The following CDK12 variants were observed in gnomAD, a reference collection of about 807,000 sequenced individuals.
The protein encoded by CDK12 is cyclin-dependent kinase 12.
Under a neutral mutation model 133.8 loss-of-function variants are expected in CDK12, and 17 were observed. That is an observed-to-expected ratio of 0.13 (90% CI 0.09 to 0.19). The LOEUF (loss-of-function observed/expected upper bound fraction) is 0.19. CDK12 is among the 10% of genes least tolerant of loss of function. The pLI is 1.00. For missense variants in CDK12, 1,508 were observed against 1,818.7 expected, an observed-to-expected ratio of 0.83 and a Z score of 3.11; for synonymous variants, 694 against 683.6, an observed-to-expected ratio of 1.02 and a Z score of -0.24.
downstream of CDK12, among the ~76,000 whole-genome samples, chr17:39,535,697 G>C (rs1044780354): frequency 6.6e-6 from 1 of 152,130 alleles, no homozygotes; most frequent in African/African-American, 2.4e-5. Flanking sequence ...CAATTTCTTA[G>C]GCACTGTTCT....
intron 3 of CDK12, among the ~76,000 whole-genome samples, chr17:39,559,767 CG>C (rs2056300841): frequency 1.3e-5 from 2 of 149,572 alleles, no homozygotes; most frequent in South Asian, 4.2e-4. Context: ...TGAGCCTGAG[CG>C]GCAGAGATTG....
intron 5 of CDK12, among the ~76,000 whole-genome samples, chr17:39,499,257 G>C (rs867888379): frequency 2.0e-4 from 29 of 142,046 alleles, no homozygotes; most frequent in Admixed American, 1.5e-4. Context: ...GCCCAGGCTG[G>C]AGTGCAGTGC....
chr17:39,478,515 A>G (rs766378270), intron 2 of CDK12, among the ~76,000 whole-genome samples: 5 of 152,116 alleles, frequency 3.3e-5, no homozygotes, highest in Admixed American at 1.3e-4. Context: ...TATTATCAGT[A>G]TTCTACATAT....
At chr17:39,522,301 G>C (rs1490056198) in intron 11 of CDK12, among the ~76,000 whole-genome samples, 1 of 151,930 alleles carries the variant, frequency 6.6e-6, no homozygotes, top group Admixed American at 6.6e-5. Context: ...TGGTGAGACT[G>C]GTCTTGAAGT....
At chr17:39,552,937 CAG>C (rs1348439946) in intron 2 of CDK12, among the ~76,000 whole-genome samples, 1 of 152,130 alleles carries the variant, frequency 6.6e-6, no homozygotes, top group Admixed American at 6.5e-5. Flanking sequence ...CCATGTTGGC[CAG>C]GCTGGTCTCA....
At chr17:39,539,609 G>A (rs184012320) in intron 1 of CDK12, among the ~76,000 whole-genome samples, 2 of 152,288 alleles carry the variant, frequency 1.3e-5, no homozygotes, top group East Asian at 1.9e-4. Flanking sequence ...GAAGAAGACT[G>A]GGGGAGGGTC....
Position 39,531,369 on chromosome 17 carries a change from A to G in CDK12, c.*53A>G. On this transcript the variant is annotated 3_prime_UTR_variant, in exon 14 of 14. Coordinates refer to ENST00000447079, the MANE Select transcript of CDK12 (RefSeq NM_016507.4). ...TCCTTTCCTATCCATCCTTCCATCCAGTTCTCTGAATCTTTAATGAAATCA... is the reference window on the plus strand; with the variant it reads ...TCCTTTCCTATCCATCCTTCCATCCGGTTCTCTGAATCTTTAATGAAATCA... The G allele has an allele frequency of 7.3e-7, 1 of 1,369,246 alleles. No homozygotes were observed. The highest frequency in any genetic ancestry group is 9.5e-7 in the Non-Finnish European group (1 of 1,054,638). 84.8% of individuals were successfully genotyped at this position (1,369,246 alleles called of 1,614,324 possible).
chr17:39,561,905 G>GT (rs1177758633), intron 3 of CDK12, among the ~76,000 whole-genome samples: 1 of 152,098 alleles, frequency 6.6e-6, no homozygotes, highest in Non-Finnish European at 1.5e-5. Context: ...TATAAACACT[G>GT]AGGCTAGACC....
downstream of CDK12, among the ~76,000 whole-genome samples, chr17:39,538,898 CAAAT>C (rs58157980): frequency 1.8e-3 from 266 of 143,994 alleles, 2 homozygotes; most frequent in African/African-American, 6.6e-3. Context: ...GACTCCATCT[CAAAT>C]AAATACATAC....
At chr17:39,514,295 G>A (rs1194485868) in intron 8 of CDK12, among the ~76,000 whole-genome samples, 1 of 152,122 alleles carries the variant, frequency 6.6e-6, no homozygotes, top group East Asian at 1.9e-4. Flanking sequence ...TCGTTTAAAG[G>A]TCCAAATTCT....
intron 2 of CDK12, among the ~76,000 whole-genome samples, chr17:39,488,861 C>T (rs1245576380): frequency 6.6e-6 from 1 of 151,930 alleles, no homozygotes; most frequent in African/African-American, 2.4e-5. Flanking sequence ...AATGATGCTC[C>T]CACCCCAGGA....
rs936589692 is a variant in CDK12, at chr17:39,521,265, C to CTGTT, written c.3095+1190_3095+1193dup. ...ACAGGTGTGAGCCACCGTGCCTGGC[C>CTGTT]TGTTTGTTTGTTTGTGTGTTTTGAG... is the stretch of plus-strand genomic sequence containing the variant. On this transcript the variant is annotated intron_variant, in intron 11 of 13. Coordinates refer to ENST00000447079, the MANE Select transcript of CDK12 (RefSeq NM_016507.4). Among the ~76,000 whole-genome samples the CTGTT allele has an allele frequency of 3.3e-5, 5 of 152,034 alleles. No homozygotes were observed. In the East Asian group the frequency reaches 5.9e-4, roughly 18 times the overall value.
intron 1 of CDK12, among the ~76,000 whole-genome samples, chr17:39,465,779 A>G (rs763939511): frequency 3.3e-5 from 5 of 152,148 alleles, no homozygotes; most frequent in African/African-American, 9.6e-5. Context: ...GCGTGAGCCA[A>G]TGCGCACAGC....
chr17:39,493,151 A>G (rs1190081836), intron 4 of CDK12, among the ~76,000 whole-genome samples: 1 of 136,942 alleles, frequency 7.3e-6, no homozygotes, highest in Non-Finnish European at 1.5e-5. Flanking sequence ...GCGCAACCAC[A>G]CTCGACTAAT....
At chr17:39,476,724 T>C (rs918457445) in intron 2 of CDK12, among the ~76,000 whole-genome samples, 1 of 113,076 alleles carries the variant, frequency 8.8e-6, no homozygotes, top group African/African-American at 3.5e-5. Flanking sequence ...TTTTTTTTTT[T>C]TTTTTTTTTT....
At position 39,526,310 on chromosome 17, in the gene CDK12, G is replaced by T; in HGVS notation, c.3754G>T (p.Ala1252Ser). The T allele has an allele frequency of 6.3e-7, 1 of 1,587,264 alleles. No individual in the cohort carries two copies. The highest frequency in any genetic ancestry group is 1.8e-5 in the Admixed American group (1 of 54,972). Reference sequence around the variant, plus strand: ...AACTCCCACAATGCCACAGGAGGAGGCAGCAGGTAAACAGACCGGTCATGA... The same window carrying T: ...AACTCCCACAATGCCACAGGAGGAGTCAGCAGGTAAACAGACCGGTCATGA... The part of the protein sequence containing the change: ...RRTPTMPQEE[A>S]AACPPHILPP... The change falls in exon 13 of 14, where the codon GCA (alanine) becomes TCA (serine). Residue 1252 changes from alanine (A) to serine (S), a missense_variant. Transcript: ENST00000447079.
rs1184631339 is a variant in CDK12, at chr17:39,532,140, C to CTCTCTCTCTCTCTCTCTCTCTCTG, written c.*827_*828insCTCTCTCTCTCTCTCTCTCTGTCT. 382 of 224,332 alleles carry CTCTCTCTCTCTCTCTCTCTCTCTG rather than the reference C, an allele frequency of 1.7e-3. No individual in the cohort carries two copies. The highest frequency in any genetic ancestry group is 6.1e-3 in the African/African-American group (250 of 40,834). The allele number at this position is 224,332 out of a possible 1,614,324, so 13.9% of individuals were successfully genotyped here. A position where few individuals can be genotyped will look rare whatever the true frequency, so the allele number is the denominator to read the frequency against. ...TCTCTCTCTCTCTCTCTCTCTCTCT[C>CTCTCTCTCTCTCTCTCTCTCTCTG]TCTGTCTCGCTTGCTCGCTCTCGCT... is the stretch of plus-strand genomic sequence containing the variant. On this transcript the variant is annotated 3_prime_UTR_variant, in exon 14 of 14. Transcript: ENST00000447079.
At chr17:39,546,872 C>T (rs2055732807), upstream of CDK12, 1 of 152,214 alleles carries the variant, frequency 6.6e-6, no homozygotes, top group Non-Finnish European at 1.5e-5. Flanking sequence ...TGGTGACTCG[C>T]CTGTATGTCT....
At chr17:39,506,979 C>G (rs1193541327) in intron 6 of CDK12, among the ~76,000 whole-genome samples, 1 of 152,028 alleles carries the variant, frequency 6.6e-6, no homozygotes, top group Non-Finnish European at 1.5e-5. Context: ...TCACTGCAAC[C>G]TCCGCCTCCC....
Sources: gnomAD v4.1 joint callset for allele counts (sites outside exome capture counted in the v4.1 genomes callset) on GRCh38, gnomAD v4.1.1 for gene constraint, MANE v1.5 for transcripts, NCBI Gene and HGNC (gene_info 2026-07-23, HGNC 2026-07-21) for gene names.